Variants in CBX5 observed in about 807,000 individuals in gnomAD.
CBX5 encodes chromobox 5.
Under a neutral mutation model 20.7 loss-of-function variants are expected in CBX5, and 7 were observed. That is an observed-to-expected ratio of 0.34 (90% CI 0.19 to 0.63). The LOEUF is 0.63. Among genes scored for constraint, CBX5 ranks in the 30% least tolerant of loss-of-function variants. CBX5 has a pLI of 0.75. For synonymous variants in CBX5, 78 were observed against 77.0 expected, an observed-to-expected ratio of 1.01 and a Z score of -0.07; for missense variants, 110 against 224.1, an observed-to-expected ratio of 0.49 and a Z score of 3.25.
chr12:54,278,035 T>C (rs537352062), intron 1 of CBX5, among the ~76,000 whole-genome samples: 2 of 152,276 alleles, frequency 1.3e-5, no homozygotes, highest in East Asian at 3.9e-4. Context: ...TTTAAATGAA[T>C]GGTTTTCAAC....
chr12:54,273,829 A>G (rs1230671999), intron 1 of CBX5: 2 of 152,196 alleles, frequency 1.3e-5, no homozygotes, highest in African/African-American at 4.8e-5. Context: ...TAAACCACCA[A>G]GTCTGTGGTA....
intron 1 of CBX5, among the ~76,000 whole-genome samples, chr12:54,271,682 A>G (rs1430130817): frequency 6.6e-6 from 1 of 152,154 alleles, no homozygotes; most frequent in African/African-American, 2.4e-5. Context: ...AGCTTTTAGG[A>G]CATTTAGGAT....
intron 1 of CBX5, among the ~76,000 whole-genome samples, chr12:54,266,893 A>C (rs964621402): frequency 6.6e-6 from 1 of 152,236 alleles, no homozygotes; most frequent in African/African-American, 2.4e-5. Context: ...CTATTAAAAA[A>C]AAGTATCAGT....
intron 3 of CBX5, among the ~76,000 whole-genome samples, chr12:54,249,927 A>G (rs906365949): frequency 1.4e-4 from 22 of 152,286 alleles, no homozygotes; most frequent in African/African-American, 5.3e-4. Flanking sequence ...TGTACATTTT[A>G]AAATTGTTAA....
chr12:54,251,977 T>C (rs942487567), intron 3 of CBX5, 64 bp downstream of exon 3: 7 of 1,357,728 alleles, frequency 5.2e-6, no homozygotes, highest in African/African-American at 1.5e-5. Context: ...ATGATACTTT[T>C]ATTTATTATT....
At chr12:54,250,795 G>C (rs923362380) in intron 3 of CBX5, among the ~76,000 whole-genome samples, 2 of 92,704 alleles carry the variant, frequency 2.2e-5, no homozygotes, top group Admixed American at 1.7e-4. Flanking sequence ...CTGTGCGACA[G>C]AGCGAGACTC....
intron 1 of CBX5, among the ~76,000 whole-genome samples, chr12:54,264,407 T>C (rs929035016): frequency 2.6e-5 from 4 of 152,194 alleles, no homozygotes; most frequent in African/African-American, 9.7e-5. Flanking sequence ...TCCTCCTGCC[T>C]TACCCCCACA....
At chr12:54,264,779 G>A (rs1386454825) in intron 1 of CBX5, among the ~76,000 whole-genome samples, 1 of 151,974 alleles carries the variant, frequency 6.6e-6, no homozygotes, top group Non-Finnish European at 1.5e-5. Flanking sequence ...GGAGGTAGAG[G>A]TTGCAGTGAG....
chr12:54,278,633 T>A (rs1944094304), intron 1 of CBX5: 1 of 152,216 alleles, frequency 6.6e-6, no homozygotes, highest in Non-Finnish European at 1.5e-5. Flanking sequence ...TTATCAAAAT[T>A]TATTTATTTC....
chr12:54,266,162 C>T (rs1592162798), intron 1 of CBX5, among the ~76,000 whole-genome samples: 1 of 152,116 alleles, frequency 6.6e-6, no homozygotes, highest in East Asian at 1.9e-4. Flanking sequence ...AATCCCAGCA[C>T]TTTGAGAGGC....
intron 2 of CBX5, among the ~76,000 whole-genome samples, chr12:54,256,180 G>A (rs1313234080): frequency 1.3e-5 from 2 of 152,116 alleles, no homozygotes; most frequent in African/African-American, 4.8e-5. Context: ...AGTGGAAATG[G>A]GCCCAATAAA....
intron 1 of CBX5, chr12:54,278,566 T>C (rs1044746860): frequency 6.6e-6 from 1 of 152,208 alleles, no homozygotes. Flanking sequence ...TTAAATATTT[T>C]CCCTTGATCC....
chr12:54,247,182 T>A (rs1666986616), intron 3 of CBX5, among the ~76,000 whole-genome samples: 1 of 152,038 alleles, frequency 6.6e-6, no homozygotes, highest in African/African-American at 2.4e-5. Flanking sequence ...CCCCTCTGGA[T>A]GTAGATGACT....
intron 1 of CBX5, chr12:54,276,612 A>G (rs1446835786): frequency 6.6e-6 from 1 of 152,244 alleles, no homozygotes; most frequent in African/African-American, 2.4e-5. Flanking sequence ...TGACTCAGAA[A>G]GCAATCAAAG....
intron 4 of CBX5, among the ~76,000 whole-genome samples, chr12:54,242,874 C>T (rs1324252767): frequency 6.6e-6 from 1 of 152,148 alleles, no homozygotes; most frequent in African/African-American, 2.4e-5. Context: ...CCTGTAATCC[C>T]AGCACTTTGG....
At chr12:54,276,420 T>C (rs933933738) in intron 1 of CBX5, among the ~76,000 whole-genome samples, 3 of 152,222 alleles carry the variant, frequency 2.0e-5, no homozygotes, top group Admixed American at 6.5e-5. Context: ...GAATATCTCA[T>C]GTAATTGGTT....
intron 1 of CBX5, among the ~76,000 whole-genome samples, chr12:54,270,445 T>A (rs543706669): frequency 6.6e-6 from 1 of 152,230 alleles, no homozygotes; most frequent in South Asian, 2.1e-4. Context: ...GGATACTTTT[T>A]AATTTTTTCT....
At chr12:54,262,578 T>G (rs1943922610) in intron 1 of CBX5, 1 of 152,784 alleles carries the variant, frequency 6.5e-6, no homozygotes, top group Non-Finnish European at 1.5e-5. Context: ...TCTGATGGAA[T>G]GTGTCTTATC....
chr12:54,246,226 A>G lies in CBX5; in HGVS notation c.325-11T>C, dbSNP rs776342891. 2 of 1,587,112 alleles carry G rather than the reference A, an allele frequency of 1.3e-6. No individual in the cohort carries two copies. The highest frequency in any genetic ancestry group is 1.7e-6 in the Non-Finnish European group (2 of 1,155,930). On this transcript the variant is annotated splice_polypyrimidine_tract_variant and intron_variant, in intron 3 of 4. Coordinates refer to ENST00000209875, the MANE Select transcript of CBX5 (RefSeq NM_012117.3). The stretch of plus-strand genomic sequence containing the variant: ...GATATCATTGCTCTGCTATAAATAG[A>G]AGATAAAGAAAGGTTACAGCTTGTG...
Sources: allele counts gnomAD v4.1 joint callset (sites outside exome capture counted in the v4.1 genomes callset), GRCh38; gene constraint gnomAD v4.1.1; transcripts MANE v1.5; gene names NCBI Gene and HGNC (gene_info 2026-07-23, HGNC 2026-07-21).